Variants in KLHL1 observed in about 807,000 individuals in gnomAD.
KLHL1 encodes the protein kelch like family member 1, also known as kelch-like protein 1.
A neutral mutation model predicts 77.7 loss-of-function variants in KLHL1; 47 were observed. The ratio of observed to expected loss-of-function variants is 0.60; its 90% CI spans 0.48 to 0.77. The LOEUF is 0.77. Ranked by LOEUF, KLHL1 falls within the 30% of genes least tolerant of loss-of-function variation. The probability of loss-of-function intolerance (pLI) is 0.00; values close to 1 mark genes in which losing one functional copy is unlikely to be tolerated. For synonymous variants in KLHL1, 360 were observed against 325.2 expected (o/e 1.11, Z -1.15); for missense variants, 925 against 910.8 (o/e 1.02, Z -0.20).
intron 7 of KLHL1, among the ~76,000 whole-genome samples, chr13:69,783,351 A>T (rs181894322): frequency 4.6e-5 from 7 of 152,308 alleles, no homozygotes; most frequent in African/African-American, 1.4e-4. Context: ...TTGAGAGAAG[A>T]AGTCTCCAGA....
chr13:69,897,207 C>A (rs1199310963), intron 4 of KLHL1, among the ~76,000 whole-genome samples: 2 of 152,068 alleles, frequency 1.3e-5, no homozygotes, highest in African/African-American at 2.4e-5. Flanking sequence ...TTAGTAAGTG[C>A]CTCTGACTCC....
In KLHL1 at chr13:70,030,646, G is replaced by T. The variant is rs1406712091; in HGVS notation, c.498-54844C>A. On this transcript the variant is annotated intron_variant, in intron 1 of 10. Coordinates refer to ENST00000377844, the MANE Select transcript of KLHL1 (RefSeq NM_020866.3). Reference sequence around the variant, plus strand: ...AATGCCCACAAGAGAAAGCAGGAAAGATCCAAAATTGACACCCTAACATCA... The same window carrying T: ...AATGCCCACAAGAGAAAGCAGGAAATATCCAAAATTGACACCCTAACATCA... 2.3e-4 allele frequency among the ~76,000 whole-genome samples: 35 copies of T among 152,160 alleles called. No homozygotes were observed. The South Asian group carries it at 7.3e-3, about 32-fold the overall frequency.
At chr13:69,890,028 T>C (rs1032674946) in intron 4 of KLHL1, among the ~76,000 whole-genome samples, 3 of 152,052 alleles carry the variant, frequency 2.0e-5, no homozygotes, top group East Asian at 1.9e-4. Context: ...GCCTAGTATA[T>C]GCTTAATACT....
intron 6 of KLHL1, among the ~76,000 whole-genome samples, chr13:69,825,235 G>A (rs994958925): frequency 6.6e-6 from 1 of 152,068 alleles, no homozygotes; most frequent in Non-Finnish European, 1.5e-5. Context: ...GCCAGGGATG[G>A]GAGGATTTTA....
chr13:69,807,961 A>AGAT (rs1220752829), intron 6 of KLHL1, among the ~76,000 whole-genome samples: 3 of 152,090 alleles, frequency 2.0e-5, no homozygotes, highest in Non-Finnish European at 4.4e-5. Flanking sequence ...AGAAGGAGGC[A>AGAT]GATGTCACTC....
At chr13:69,731,027 G>A (rs1162711712) in intron 8 of KLHL1, among the ~76,000 whole-genome samples, 1 of 150,960 alleles carries the variant, frequency 6.6e-6, no homozygotes, top group African/African-American at 2.5e-5. Context: ...GAAAAATATA[G>A]TAATGCTTAA....
chr13:69,708,833 A>G (rs1271019074), intron 9 of KLHL1, among the ~76,000 whole-genome samples: 1 of 152,026 alleles, frequency 6.6e-6, no homozygotes, highest in African/African-American at 2.4e-5. Flanking sequence ...AACTGTGAGA[A>G]AGGATTTTCT....
intron 4 of KLHL1, among the ~76,000 whole-genome samples, chr13:69,924,679 G>A (rs1882756552): frequency 6.6e-6 from 1 of 152,176 alleles, no homozygotes; most frequent in South Asian, 2.1e-4. Context: ...AACACAAACA[G>A]AGCTGAAACA....
chr13:70,104,738 TTATG>T (rs1888009102), intron 1 of KLHL1, among the ~76,000 whole-genome samples: 1 of 152,082 alleles, frequency 6.6e-6, no homozygotes, highest in African/African-American at 2.4e-5. Flanking sequence ...TTCATATAGT[TTATG>T]TAGTCACTGA....
At chr13:69,764,741 C>T (rs369359076) in intron 7 of KLHL1, among the ~76,000 whole-genome samples, 1 of 151,750 alleles carries the variant, frequency 6.6e-6, no homozygotes, top group African/African-American at 2.4e-5. Flanking sequence ...CAACACAGAT[C>T]GACTCAATTC....
rs151172270 is a variant in KLHL1, at chr13:70,064,737, T to C, written c.497+42466A>G. Among the ~76,000 whole-genome samples, 4 of 152,252 alleles carry C rather than the reference T, an allele frequency of 2.6e-5. No individual in the cohort carries two copies. In the East Asian group the frequency reaches 7.7e-4, roughly 29 times the overall value. ...AATAATTAACTTAGCCACCTGCTAA[T>C]GCTAATGTGCCACAGATTTGGCTGG... is the stretch of plus-strand genomic sequence containing the variant. On this transcript the variant is annotated intron_variant, in intron 1 of 10. Coordinates refer to ENST00000377844, the MANE Select transcript of KLHL1 (RefSeq NM_020866.3).
intron 1 of KLHL1, among the ~76,000 whole-genome samples, chr13:70,041,256 T>A (rs1180286801): frequency 2.0e-5 from 3 of 152,220 alleles, no homozygotes; most frequent in Non-Finnish European, 4.4e-5. Flanking sequence ...ATGACTATCT[T>A]TCTTCATTCA....
At chr13:69,790,968 T>TTAAAAAAGGAGAAACATATTTAA (rs1320915559) in intron 7 of KLHL1, among the ~76,000 whole-genome samples, 2 of 152,106 alleles carry the variant, frequency 1.3e-5, no homozygotes, top group African/African-American at 4.8e-5. Context: ...ACATCTATTT[T>TTAAAAAAGGAGAAACATATTTAA]TAAAAAAGGA....
chr13:69,720,379 A>G (rs1172533071), intron 8 of KLHL1, among the ~76,000 whole-genome samples: 1 of 152,076 alleles, frequency 6.6e-6, no homozygotes, highest in Non-Finnish European at 1.5e-5. Context: ...TTACTTATCC[A>G]TTTGCTCACT....
At chr13:70,003,639 C>A (rs966509089) in intron 1 of KLHL1, among the ~76,000 whole-genome samples, 1 of 151,712 alleles carries the variant, frequency 6.6e-6, no homozygotes, top group African/African-American at 2.4e-5. Context: ...ATCATTGAAA[C>A]AATATTTAAT....
intron 4 of KLHL1, among the ~76,000 whole-genome samples, chr13:69,912,457 T>A (rs1221301083): frequency 6.6e-6 from 1 of 152,246 alleles, no homozygotes; most frequent in East Asian, 1.9e-4. Context: ...ACAAACTCAA[T>A]AGCCATTATT....
intron 9 of KLHL1, among the ~76,000 whole-genome samples, chr13:69,715,516 T>G (rs1200700784): frequency 4.5e-4 from 8 of 17,704 alleles, no homozygotes; most frequent in Non-Finnish European, 1.2e-3. Context: ...TAAGGCAGTT[T>G]TATTATTTAT....
intron 7 of KLHL1, among the ~76,000 whole-genome samples, chr13:69,771,003 A>G (rs1171481743): frequency 2.6e-5 from 4 of 152,186 alleles, no homozygotes; most frequent in African/African-American, 9.7e-5. Flanking sequence ...TACTACCTTT[A>G]GAGTGTTCTT....
intron 4 of KLHL1, among the ~76,000 whole-genome samples, chr13:69,930,381 A>G (rs1882962845): frequency 6.6e-6 from 1 of 151,836 alleles, no homozygotes; most frequent in South Asian, 2.1e-4. Context: ...AAACCATTAC[A>G]AAGTACCAAA....
Sources: gnomAD v4.1 joint callset for allele counts (sites outside exome capture counted in the v4.1 genomes callset) on GRCh38, gnomAD v4.1.1 for gene constraint, MANE v1.5 for transcripts, NCBI Gene and HGNC (gene_info 2026-07-23, HGNC 2026-07-21) for gene names.